CSMD1: variants seen among roughly 807,000 people sequenced by gnomAD.
CSMD1 encodes the protein CUB and Sushi multiple domains 1, also known as CUB and sushi domain-containing protein 1.
In CSMD1, 213 loss-of-function variants were observed where a neutral mutation model predicts 417.5. That is an observed-to-expected ratio of 0.51 (90% CI 0.46 to 0.57). The LOEUF is 0.57. Ranked by LOEUF, CSMD1 falls within the 20% of genes least tolerant of loss-of-function variation. The pLI is 0.00. For missense variants in CSMD1, 6,923 were observed against 4,529.7 expected, an observed-to-expected ratio of 1.53 and a Z score of -15.17; for synonymous variants, 2,862 against 1,736.8, an observed-to-expected ratio of 1.65 and a Z score of -16.11.
At chr8:2,998,769 T>A (rs1421942491) in intron 53 of CSMD1, among the ~76,000 whole-genome samples, 1 of 152,188 alleles carries the variant, frequency 6.6e-6, no homozygotes, top group Non-Finnish European at 1.5e-5. Flanking sequence ...ATGCCCCAGA[T>A]AACAGCAAGA....
chr8:4,387,127 C>T (rs185496874), intron 3 of CSMD1, among the ~76,000 whole-genome samples: 54 of 152,190 alleles, frequency 3.5e-4, no homozygotes, highest in Non-Finnish European at 5.4e-4. Context: ...TTCTGTAAAA[C>T]GGAATGAAGG....
At chr8:3,698,220 G>C (rs1401112297) in intron 7 of CSMD1, among the ~76,000 whole-genome samples, 1 of 152,150 alleles carries the variant, frequency 6.6e-6, no homozygotes, top group Admixed American at 6.5e-5. Context: ...CTTCTGCAGT[G>C]ACAAACGCCT....
At chr8:3,880,439 T>A (rs1806131514) in intron 5 of CSMD1, among the ~76,000 whole-genome samples, 2 of 152,204 alleles carry the variant, frequency 1.3e-5, no homozygotes, top group Admixed American at 1.3e-4. Flanking sequence ...TGAGTGATAT[T>A]TATGTAAATT....
At position 4,089,850 on chromosome 8, in the gene CSMD1, T is replaced by C. The variant is rs544565568; in HGVS notation, c.416-57751A>G. 2.6e-5 allele frequency among the ~76,000 whole-genome samples: 4 copies of C among 152,260 alleles called. No homozygotes were observed. The East Asian group carries it at 7.7e-4, about 29-fold the overall frequency. ...GAGCTGAGGCTTCTGGAATGAATGG[T>C]GGTGGGATCTCACCACAGAGAAGTA... On this transcript the variant is annotated intron_variant, in intron 3 of 69. Coordinates refer to ENST00000635120, the MANE Select transcript of CSMD1 (RefSeq NM_033225.6).
intron 1 of CSMD1, among the ~76,000 whole-genome samples, chr8:4,770,911 T>C (rs986634157): frequency 6.6e-6 from 1 of 152,126 alleles, no homozygotes; most frequent in Non-Finnish European, 1.5e-5. Flanking sequence ...ATTTCCCATA[T>C]ATCACACCAA....
chr8:3,996,133 A>C (rs1031034022), intron 5 of CSMD1, among the ~76,000 whole-genome samples: 1 of 152,202 alleles, frequency 6.6e-6, no homozygotes, highest in Non-Finnish European at 1.5e-5. Flanking sequence ...CTTTGGCAAA[A>C]GCTGCCACTG....
chr8:4,850,051 CT>C (rs1801376273), intron 1 of CSMD1, among the ~76,000 whole-genome samples: 1 of 152,132 alleles, frequency 6.6e-6, no homozygotes, highest in Non-Finnish European at 1.5e-5. Context: ...CTATACTTGG[CT>C]TTTTTTATTC....
intron 1 of CSMD1, among the ~76,000 whole-genome samples, chr8:4,779,721 A>G (rs1797052906): frequency 6.6e-6 from 1 of 152,128 alleles, no homozygotes; most frequent in South Asian, 2.1e-4. Flanking sequence ...GTATAAAACC[A>G]AAGGAAAGTG....
chr8:3,417,490 C>G (rs1220595439), intron 12 of CSMD1, among the ~76,000 whole-genome samples: 1 of 152,146 alleles, frequency 6.6e-6, no homozygotes, highest in Non-Finnish European at 1.5e-5. Context: ...TTCTCATGTG[C>G]TATTTGACTA....
chr8:4,963,537 T>C (rs1340984975), intron 1 of CSMD1, among the ~76,000 whole-genome samples: 1 of 152,170 alleles, frequency 6.6e-6, no homozygotes, highest in African/African-American at 2.4e-5. Flanking sequence ...TAGATTTACC[T>C]CCCTTACCTG....
chr8:3,727,045 A>G (rs752140023), intron 6 of CSMD1, among the ~76,000 whole-genome samples: 7 of 152,184 alleles, frequency 4.6e-5, no homozygotes, highest in Non-Finnish European at 8.8e-5. Flanking sequence ...TACTAATGGT[A>G]GCTATCCTTT....
chr8:3,120,238 C>G (rs189330028), intron 41 of CSMD1, among the ~76,000 whole-genome samples: 1 of 151,960 alleles, frequency 6.6e-6, no homozygotes, highest in Non-Finnish European at 1.5e-5. Flanking sequence ...GAGCTTGATG[C>G]GGGATTACTC....
intron 7 of CSMD1, among the ~76,000 whole-genome samples, chr8:3,656,770 C>A (rs2015184): frequency 0.91 from 138,578 of 152,094 alleles, 63,264 homozygotes; most frequent in African/African-American, 0.96. Flanking sequence ...TACTAAAAAT[C>A]CAAAAATTAG....
At chr8:4,289,612 G>A (rs1184213346) in intron 3 of CSMD1, among the ~76,000 whole-genome samples, 1 of 152,186 alleles carries the variant, frequency 6.6e-6, no homozygotes, top group Non-Finnish European at 1.5e-5. Flanking sequence ...TGCCGTGGAT[G>A]ATGGTGGGGA....
chr8:3,739,875 A>G lies in CSMD1; in HGVS notation c.931+14055T>C, dbSNP rs138139761. ...ATTAAAAAAGCAGGGAAGTTGAAGA[A>G]TCTCCAGTAAATAATGCTGGTTGCA... On this transcript the variant is annotated intron_variant, in intron 6 of 69. Transcript: ENST00000635120. 8.1e-3 allele frequency among the ~76,000 whole-genome samples: 1,234 copies of G among 152,286 alleles called. 9 individuals are homozygous for G. The highest frequency in any genetic ancestry group is 0.02 in the Middle Eastern group (6 of 294).
chr8:3,468,780 T>G lies in CSMD1; in HGVS notation c.1493A>C (p.Asn498Thr). The G allele has an allele frequency of 6.2e-7, 1 of 1,605,650 alleles. No homozygotes were observed. Among genetic ancestry groups the G allele is most frequent in the South Asian group, 1.1e-5 (1 of 89,098 alleles). Residue 498 changes from asparagine (N) to threonine (T), a missense_variant, in exon 12 of 70, where the codon AAC becomes ACC. Transcript: ENST00000635120. ...SVPDLIVSMS[N>T]QMWLHLQSDD... Reference sequence around the variant, plus strand: ...CGACTGCAGATGTAGCCACATCTGGTTGCTCATGCTCACAATGAGGTCAGG... The same window carrying G: ...CGACTGCAGATGTAGCCACATCTGGGTGCTCATGCTCACAATGAGGTCAGG...
intron 1 of CSMD1, among the ~76,000 whole-genome samples, chr8:4,876,630 T>A (rs139759179): frequency 1.3e-5 from 2 of 152,220 alleles, no homozygotes; most frequent in East Asian, 3.9e-4. Context: ...CACAATAGGT[T>A]ATTTAGGAAA....
At chr8:4,435,864 G>T (rs1001444577) in intron 2 of CSMD1, among the ~76,000 whole-genome samples, 2 of 152,180 alleles carry the variant, frequency 1.3e-5, no homozygotes, top group African/African-American at 4.8e-5. Context: ...CAAGTATTAG[G>T]ACTGTGTGAC....
intron 47 of CSMD1, among the ~76,000 whole-genome samples, chr8:3,096,564 G>A (rs1391169566): frequency 6.6e-6 from 1 of 152,096 alleles, no homozygotes; most frequent in African/African-American, 2.4e-5. Context: ...CCAGCCATCT[G>A]GAACTGTAAA....
Sources: allele counts gnomAD v4.1 joint callset (sites outside exome capture counted in the v4.1 genomes callset), GRCh38; gene constraint gnomAD v4.1.1; transcripts MANE v1.5; gene names NCBI Gene and HGNC (gene_info 2026-07-23, HGNC 2026-07-21).